TRAF5: variants seen among roughly 807,000 people sequenced by gnomAD.
TRAF5 encodes the protein TNF receptor-associated factor 5.
TRAF5 carries 48 observed loss-of-function variants against 64.5 expected under a neutral mutation model. That is an observed-to-expected ratio of 0.74 (90% CI 0.59 to 0.95). The LOEUF is 0.95. Ranked by LOEUF, TRAF5 falls within the 40% of genes least tolerant of loss-of-function variation. The pLI, the probability that TRAF5 is intolerant of heterozygous loss-of-function variation, is 0.00. For synonymous variants in TRAF5, 206 were observed against 240.5 expected, an observed-to-expected ratio of 0.86 and a Z score of 1.33; for missense variants, 545 against 662.8, an observed-to-expected ratio of 0.82 and a Z score of 1.95.
chr1:211,369,527 G>GA lies in TRAF5; in HGVS notation c.869dup (p.Glu291GlyfsTer27), dbSNP rs1256058166. ...GCTAGCAGAAACTATAAAGAAACTT[G>GA]AAAAGGAGTTCAAGCAGTTTGCACA... On this transcript the variant is annotated frameshift_variant, in exon 9 of 11. Transcript: ENST00000261464. LOFTEE classifies it high-confidence loss of function. 1 of 1,611,700 alleles carries GA rather than the reference G, an allele frequency of 6.2e-7. No individual in the cohort carries two copies. The highest frequency in any genetic ancestry group is 1.1e-5 in the South Asian group (1 of 90,300).
intron 9 of TRAF5, among the ~76,000 whole-genome samples, chr1:211,369,879 C>T (rs896908157): frequency 1.3e-5 from 2 of 152,052 alleles, no homozygotes; most frequent in Non-Finnish European, 2.9e-5. Flanking sequence ...AAACCATTTG[C>T]GAGTACGCTG....
intron 7 of TRAF5, among the ~76,000 whole-genome samples, chr1:211,364,137 A>G (rs993512775): frequency 2.0e-5 from 3 of 152,196 alleles, no homozygotes; most frequent in Non-Finnish European, 2.9e-5. Flanking sequence ...GTTAAACTGC[A>G]TGGATCACCT....
chr1:211,364,050 T>C (rs1703269950), intron 7 of TRAF5, among the ~76,000 whole-genome samples: 1 of 152,106 alleles, frequency 6.6e-6, no homozygotes, highest in Non-Finnish European at 1.5e-5. Flanking sequence ...GGAGTTATTC[T>C]CCGGAACCTT....
At chr1:211,359,435 A>G (rs1703099866) in intron 4 of TRAF5, 1 of 152,382 alleles carries the variant, frequency 6.6e-6, no homozygotes, top group Non-Finnish European at 1.5e-5. Flanking sequence ...TTGAGTTAGG[A>G]TATGCCCTTC....
chr1:211,365,312 C>T lies in TRAF5; in HGVS notation c.697-64C>T, dbSNP rs540388409. ...TAAGATTCTATTTTAGCAGAATATC[C>T]TACCACCTCTTTCATTTTTGGAGCC... is the stretch of plus-strand genomic sequence containing the variant. On this transcript the variant is annotated intron_variant, in intron 7 of 10. Transcript: ENST00000261464. The T allele has an allele frequency of 8.0e-5, 108 of 1,347,490 alleles. 1 individual carries two copies. In the African/African-American group the frequency reaches 1.5e-3, roughly 19 times the overall value. The allele number at this position is 1,347,490 out of a possible 1,614,324, so 83.5% of individuals were successfully genotyped here.
intron 1 of TRAF5, among the ~76,000 whole-genome samples, chr1:211,344,628 T>A (rs1702540742): frequency 6.6e-6 from 1 of 152,220 alleles, no homozygotes; most frequent in African/African-American, 2.4e-5. Flanking sequence ...TCTTCAGTTT[T>A]TGAGGGAAGG....
At chr1:211,346,908 A>G (rs1479564179) in intron 1 of TRAF5, among the ~76,000 whole-genome samples, 1 of 152,244 alleles carries the variant, frequency 6.6e-6, no homozygotes, top group Non-Finnish European at 1.5e-5. Context: ...ATGGCATTTC[A>G]AAGAAACTCA....
chr1:211,338,491 A>G (rs900042361), intron 1 of TRAF5, among the ~76,000 whole-genome samples: 12 of 152,234 alleles, frequency 7.9e-5, no homozygotes, highest in African/African-American at 2.7e-4. Context: ...CCGGCACTGA[A>G]TAAAGCTGGC....
Position 211,372,360 on chromosome 1 carries a change from T to C in TRAF5, c.1332T>C (p.Ala444=). The C allele has an allele frequency of 3.7e-6, 6 of 1,614,162 alleles. No homozygotes were observed. The highest frequency in any genetic ancestry group is 5.1e-6 in the Non-Finnish European group (6 of 1,180,022). ...GCCGCTGTGGCTACCGGCTCTGTGC[T>C]AGAGCATACCTGAATGGGGATGGGT... ...YTSRCGYRLC[A]RAYLNGDGSG... The change falls in exon 11 of 11, where the codon GCT becomes GCC. Residue 444 remains alanine (A), a synonymous_variant. Transcript: ENST00000261464.
intron 7 of TRAF5, among the ~76,000 whole-genome samples, 163 bp from the exon 8 acceptor site, chr1:211,365,213 C>A (rs1378483023): frequency 2.6e-5 from 4 of 151,850 alleles, no homozygotes; most frequent in African/African-American, 9.7e-5. Flanking sequence ...GAAAAGGGAC[C>A]CACTGGAGTC....
intron 8 of TRAF5, among the ~76,000 whole-genome samples, chr1:211,366,564 G>A (rs903179171): frequency 6.6e-6 from 1 of 152,152 alleles, no homozygotes; most frequent in Non-Finnish European, 1.5e-5. Flanking sequence ...TTATTCTAGG[G>A]GAGTTGGGGA....
intron 1 of TRAF5, among the ~76,000 whole-genome samples, chr1:211,335,545 TC>T (rs931211963): frequency 4.5e-4 from 68 of 152,256 alleles, no homozygotes; most frequent in African/African-American, 1.5e-3. Context: ...TTATTTACAT[TC>T]CCGGCAAGTG....
At chr1:211,360,182 T>G in intron 5 of TRAF5, 106 bp downstream of exon 5, 1 of 1,257,504 alleles carries the variant, frequency 8.0e-7, no homozygotes, top group Non-Finnish European at 1.1e-6. Flanking sequence ...CATTTATTTT[T>G]GTACAGAATT....
chr1:211,339,619 C>T lies in TRAF5; in HGVS notation c.-2+12730C>T, dbSNP rs150739985. ...GGGCTCCCTACCTGCTCTCCCTCTTCTGTTGCCCTGATCAGGCCCTTGAGT... is the reference window on the plus strand; with the variant it reads ...GGGCTCCCTACCTGCTCTCCCTCTTTTGTTGCCCTGATCAGGCCCTTGAGT... On this transcript the variant is annotated intron_variant, in intron 1 of 10. Coordinates refer to ENST00000261464, the MANE Select transcript of TRAF5 (RefSeq NM_001033910.3). 2.5e-3 allele frequency among the ~76,000 whole-genome samples: 374 copies of T among 152,340 alleles called. 1 individual carries two copies. The highest frequency in any genetic ancestry group is 8.6e-3 in the African/African-American group (357 of 41,572).
intron 1 of TRAF5, among the ~76,000 whole-genome samples, chr1:211,332,859 G>A (rs1702192328): frequency 2.0e-5 from 3 of 152,200 alleles, no homozygotes; most frequent in Admixed American, 6.5e-5. Context: ...ATGTTAAGGT[G>A]TTTTATTTCA....
At chr1:211,355,608 A>AAAT (rs1702936898) in intron 3 of TRAF5, among the ~76,000 whole-genome samples, 5 of 152,180 alleles carry the variant, frequency 3.3e-5, no homozygotes, top group African/African-American at 4.8e-5. Flanking sequence ...TGTCTGACCT[A>AAAT]CTATCCAGGG....
chr1:211,345,853 C>G (rs1016123889), intron 1 of TRAF5, among the ~76,000 whole-genome samples: 1 of 152,162 alleles, frequency 6.6e-6, no homozygotes, highest in African/African-American at 2.4e-5. Flanking sequence ...CTGGCTTGCC[C>G]CTCTTCCCAC....
chr1:211,347,597 A>G (rs1438599432), intron 1 of TRAF5, among the ~76,000 whole-genome samples: 1 of 152,256 alleles, frequency 6.6e-6, no homozygotes, highest in Non-Finnish European at 1.5e-5. Context: ...TCTGGGAAAT[A>G]CACACATGGA....
chr1:211,332,401 C>T (rs932779040), intron 1 of TRAF5, among the ~76,000 whole-genome samples: 1 of 152,108 alleles, frequency 6.6e-6, no homozygotes, highest in Non-Finnish European at 1.5e-5. Flanking sequence ...TGTACTAAGG[C>T]GTATGGCTTA....
Sources: gnomAD v4.1 joint callset for allele counts (sites outside exome capture counted in the v4.1 genomes callset) on GRCh38, gnomAD v4.1.1 for gene constraint, MANE v1.5 for transcripts, NCBI Gene and HGNC (gene_info 2026-07-23, HGNC 2026-07-21) for gene names.